Variants in MYL6 observed in about 807,000 individuals in gnomAD.
MYL6 encodes the protein myosin light chain 6.
A neutral mutation model predicts 20.3 loss-of-function variants in MYL6; 20 were observed. That is an observed-to-expected ratio of 0.98 (90% CI 0.69 to 1.43). The LOEUF (loss-of-function observed/expected upper bound fraction) is 1.43. Among genes scored for constraint, MYL6 ranks in the 40% most tolerant of loss-of-function variants. The pLI, the probability that MYL6 is intolerant of heterozygous loss-of-function variation, is 0.00. For synonymous variants in MYL6, 77 were observed against 72.4 expected (o/e 1.06, Z -0.32); for missense variants, 164 against 191.0 (o/e 0.86, Z 0.83).
At chr12:56,158,889 C>T (rs1871512754) in intron 2 of MYL6, 178 bp downstream of exon 2, 4 of 1,451,218 alleles carry the variant, frequency 2.8e-6, no homozygotes, top group African/African-American at 2.9e-5. Context: ...TCCTCCCTCC[C>T]CTTCCACTCT....
Position 56,160,264 on chromosome 12 carries a change from A to T in MYL6, c.371A>T (p.Glu124Val). 3 of 1,614,242 alleles carry T rather than the reference A, an allele frequency of 1.9e-6. No individual in the cohort carries two copies. The highest frequency in any genetic ancestry group is 2.5e-6 in the Non-Finnish European group (3 of 1,180,050). ...VTLGEKMTEEEVEMLVAGHED... is the reference protein window; with the variant it reads ...VTLGEKMTEEVVEMLVAGHED... ...GCAGGTGAGAAGATGACAGAGGAAG[A>T]AGTAGAGATGCTGGTGGCAGGGCAT... is the stretch of plus-strand genomic sequence containing the variant. Residue 124 changes from glutamate (E) to valine (V), a missense_variant, in exon 5 of 7, where the codon GAA (glutamate) becomes GTA (valine). By Grantham distance (121) the Glu-to-Val change is moderately radical. Coordinates refer to ENST00000550697, the MANE Select transcript of MYL6 (RefSeq NM_021019.5).
intron 2 of MYL6, 138 bp from the exon 3 acceptor site, chr12:56,159,449 T>A (rs983900340): frequency 2.5e-6 from 3 of 1,179,046 alleles, no homozygotes; most frequent in Non-Finnish European, 3.6e-6. Flanking sequence ...TAGAGCCCTC[T>A]TAAGTAGACT....
At chr12:56,159,807 C>T in intron 3 of MYL6, 77 bp downstream of exon 3, 4 of 1,549,982 alleles carry the variant, frequency 2.6e-6, no homozygotes, top group Non-Finnish European at 3.5e-6. Flanking sequence ...CCTTTATCTT[C>T]ATAGGCCCCA....
chr12:56,159,481 A>G (rs1330876083), intron 2 of MYL6, 106 bp from the exon 3 acceptor site: 11 of 1,440,378 alleles, frequency 7.6e-6, no homozygotes, highest in African/African-American at 1.4e-5. Context: ...TTTGGTGCAG[A>G]TATCTCGTTT....
intron 2 of MYL6, chr12:56,158,984 G>A (rs1461378390): frequency 3.0e-6 from 4 of 1,350,112 alleles, no homozygotes. Context: ...TGTGTGTGGG[G>A]TCTCGGGAGG....
intron 1 of MYL6, 96 bp from the exon 2 acceptor site, chr12:56,158,588 G>T: frequency 6.3e-7 from 1 of 1,594,154 alleles, no homozygotes; most frequent in Non-Finnish European, 8.5e-7. Context: ...ACAGGAGTTT[G>T]TGGGTCAGAG....
At position 56,160,327 on chromosome 12, in the gene MYL6, G is replaced by A. The variant is rs75503023; in HGVS notation, c.427+7G>A. On this transcript the variant is annotated splice_region_variant and intron_variant, in intron 5 of 6. Coordinates refer to ENST00000550697, the MANE Select transcript of MYL6 (RefSeq NM_021019.5). ...GGTTGTATCAACTATGAAGGTAAGA[G>A]GTGAACTGCGCTTTCTCAGAGAAAG... 1 of 1,613,974 alleles carries A rather than the reference G, an allele frequency of 6.2e-7. No individual in the cohort carries two copies. The highest frequency in any genetic ancestry group is 8.5e-7 in the Non-Finnish European group (1 of 1,180,006).
In MYL6 at chr12:56,158,368, G is replaced by A. The variant is rs1345522169; in HGVS notation, c.-34G>A. On this transcript the variant is annotated 5_prime_UTR_variant, in exon 1 of 7. Coordinates refer to ENST00000550697, the MANE Select transcript of MYL6 (RefSeq NM_021019.5). ...TGGGCCGAGAGTCGGAGCCATTACTGCAGGAAAAGGTCCCGGAGAGCTGAG... is the reference window on the plus strand; with the variant it reads ...TGGGCCGAGAGTCGGAGCCATTACTACAGGAAAAGGTCCCGGAGAGCTGAG... The A allele has an allele frequency of 1.3e-6, 2 of 1,517,114 alleles. No individual in the cohort carries two copies. The highest frequency in any genetic ancestry group is 2.3e-5 in the Admixed American group (1 of 43,932). The allele number at this position is 1,517,114 out of a possible 1,614,324, so 94.0% of individuals were successfully genotyped here.
chr12:56,159,029 A>C, intron 2 of MYL6: 1 of 969,572 alleles, frequency 1.0e-6, no homozygotes, highest in Non-Finnish European at 1.4e-6. Context: ...TTGTCCTTTA[A>C]TCAGCTACTT....
Position 56,159,530 on chromosome 12 carries a change from G to A in MYL6, c.32-57G>A, listed in dbSNP as rs188098530. ...AAAGTTGAATGGGCAGCAGAGCTCT[G>A]AGGTAGGGTTTGGATTAACCCTCAA... On this transcript the variant is annotated intron_variant, in intron 2 of 6. Coordinates refer to ENST00000550697, the MANE Select transcript of MYL6 (RefSeq NM_021019.5). 746 of 1,589,156 alleles carry A rather than the reference G, an allele frequency of 4.7e-4. 7 individuals carry two copies. In the African/African-American group the frequency reaches 9.2e-3, roughly 20 times the overall value.
At chr12:56,159,890 C>T in intron 3 of MYL6, 85 bp from the exon 4 acceptor site, 1 of 1,531,176 alleles carries the variant, frequency 6.5e-7, no homozygotes, top group African/African-American at 1.4e-5. Flanking sequence ...TGTCATCTCT[C>T]TGTTCAGTTG....
rs368627694 is a variant in MYL6, at chr12:56,160,139, G to C, written c.340G>C (p.Val114Leu). The change falls in exon 4 of 7, where the codon GTC becomes CTC. Residue 114 changes from valine to leucine, a missense_variant. Coordinates refer to ENST00000550697, the MANE Select transcript of MYL6 (RefSeq NM_021019.5). ...VMGAEIRHVL[V>L]TLGEKMTEEE... is the part of the protein sequence containing the mutation. ...GGGTGCTGAAATCCGGCATGTTCTT[G>C]TCACACTGGGTAAGGTTCTGTGTCC... 62 of 1,613,904 alleles carry C rather than the reference G, an allele frequency of 3.8e-5. No homozygotes were observed. Among genetic ancestry groups the C allele is most frequent in the Non-Finnish European group, 4.7e-5 (56 of 1,179,944 alleles).
intron 1 of MYL6, 33 bp downstream of exon 1, chr12:56,158,437 TGGGGACGAGAGGCAGGAAGAGACGGGTG>T: frequency 6.5e-7 from 1 of 1,544,716 alleles, no homozygotes; most frequent in African/African-American, 1.4e-5. Context: ...CGGGCAGGAT[TGGGGACGAGAGGCAGGAAGAGACGGGTG>T]GGGGGCGAGG....
intron 6 of MYL6, 49 bp from the exon 7 acceptor site, chr12:56,161,338 C>T (rs1270568300): frequency 1.9e-6 from 3 of 1,611,730 alleles, no homozygotes. Context: ...CCTTGGCGTA[C>T]CCCTCCACAG....
chr12:56,159,819 A>G, intron 3 of MYL6, 89 bp downstream of exon 3: 1 of 1,540,592 alleles, frequency 6.5e-7, no homozygotes, highest in Non-Finnish European at 8.7e-7. Flanking sequence ...TAGGCCCCAA[A>G]CTCAAGCAAG....
intron 6 of MYL6, chr12:56,160,915 TG>T: frequency 1.7e-6 from 1 of 591,812 alleles, no homozygotes; most frequent in Non-Finnish European, 3.0e-6. Context: ...TGCTGGTGTC[TG>T]GGAACTCTCA....
chr12:56,159,515 G>C (rs1871575039), intron 2 of MYL6, 72 bp from the exon 3 acceptor site: 2 of 1,563,470 alleles, frequency 1.3e-6, no homozygotes, highest in Non-Finnish European at 1.7e-6. Context: ...AAAGTTGAAT[G>C]GGCAGCAGAG....
chr12:56,159,728 A>T lies in MYL6; in HGVS notation c.173A>T (p.Asp58Val), dbSNP rs1323921807. 1.2e-6 allele frequency: 2 copies of T among 1,613,472 alleles called. No individual in the cohort carries two copies. Among genetic ancestry groups the T allele is most frequent in the Admixed American group, 3.3e-5 (2 of 59,850 alleles). ...AAGGTCCTGGGGAACCCCAAGAGTG[A>T]TGGTGAGGGGCCTAAAGAACAACTC... ...VLKVLGNPKS[D>V]EMNVKVLDFE... Residue 58 changes from aspartate to valine, a missense_variant and splice_region_variant, in exon 3 of 7, where the codon GAT becomes GTT. Physicochemically the swap from Asp to Val is radical, Grantham distance 152. Coordinates refer to ENST00000550697, the MANE Select transcript of MYL6 (RefSeq NM_021019.5).
chr12:56,160,768 C>A, intron 6 of MYL6, 98 bp downstream of exon 6: 4 of 1,326,044 alleles, frequency 3.0e-6, no homozygotes, highest in Non-Finnish European at 3.2e-6. Flanking sequence ...CTACTACCAT[C>A]TGACTTCCTC....
Sources: gnomAD v4.1 joint callset for allele counts on GRCh38, gnomAD v4.1.1 for gene constraint, MANE v1.5 for transcripts, NCBI Gene and HGNC (gene_info 2026-07-23, HGNC 2026-07-21) for gene names.